The following CARD14 variants were observed in gnomAD, a reference collection of about 807,000 sequenced individuals.
CARD14 encodes the protein caspase recruitment domain-containing protein 14.
CARD14 carries 107 observed loss-of-function variants against 111.5 expected under a neutral mutation model. That is an observed-to-expected ratio of 0.96 (90% CI 0.82 to 1.13). The LOEUF is 1.13. Among genes scored for constraint, CARD14 ranks in the 50% most tolerant of loss-of-function variants. The pLI is 0.00. For missense variants in CARD14, 1,322 were observed against 1,362.3 expected (o/e 0.97, Z 0.47); for synonymous variants, 617 against 579.6 (o/e 1.06, Z -0.93).
chr17:80,176,091 C>T (rs2040020292), intron 2 of CARD14, among the ~76,000 whole-genome samples: 1 of 146,332 alleles, frequency 6.8e-6, no homozygotes, highest in South Asian at 2.2e-4. Context: ...TGAGCCACTG[C>T]ACCAAGCCTG....
intron 11 of CARD14, 79 bp from the exon 12 acceptor site, chr17:80,192,424 C>G (rs1049825141): frequency 2.8e-5 from 30 of 1,054,486 alleles, no homozygotes; most frequent in Non-Finnish European, 4.2e-5. Flanking sequence ...ATGGGTGGTG[C>G]TGACCTGGTA....
At chr17:80,172,782 T>G (rs2039931350) in intron 1 of CARD14, 124 bp from the exon 2 acceptor site, 1 of 151,974 alleles carries the variant, frequency 6.6e-6, no homozygotes, top group Non-Finnish European at 1.5e-5. Flanking sequence ...CCCATCTCCT[T>G]CTCTGTTTCA....
chr17:80,188,313 C>T lies in CARD14; in HGVS notation c.676-64C>T. Reference sequence around the variant, plus strand: ...ATTAGGAGGAAGGGTGAGAAATGCCCCCAGCTCCTGATCAGGGGAGAAGCT... The same window carrying T: ...ATTAGGAGGAAGGGTGAGAAATGCCTCCAGCTCCTGATCAGGGGAGAAGCT... On this transcript the variant is annotated intron_variant, in intron 7 of 23. Coordinates refer to ENST00000648509, the MANE Select transcript of CARD14 (RefSeq NM_001366385.1). This position sits in a 1 kb window ranked among gnomAD's most constrained non-coding sequence, Gnocchi z 4.5. The T allele has an allele frequency of 6.6e-7, 1 of 1,509,498 alleles. No homozygotes were observed. The highest frequency in any genetic ancestry group is 2.1e-5 in the Admixed American group (1 of 47,524). The allele number at this position is 1,509,498 out of a possible 1,614,324, so 93.5% of individuals were successfully genotyped here.
chr17:80,190,628 A>AG (rs1555612454), intron 9 of CARD14, 146 bp from the exon 10 acceptor site: 10,882 of 473,514 alleles, frequency 0.023, 4 homozygotes, highest in Middle Eastern at 0.035. Flanking sequence ...AAAAAAAAAA[A>AG]AGAGAGAGAG....
chr17:80,181,473 C>A lies in CARD14; in HGVS notation c.35C>A (p.Thr12Lys). 1 of 1,586,314 alleles carries A rather than the reference C, an allele frequency of 6.3e-7. No individual in the cohort carries two copies. The highest frequency in any genetic ancestry group is 1.1e-5 in the South Asian group (1 of 87,012). ...GELCRRDSAL[T>K]ALDEETLWEM... ...CTGTGCCGCAGGGACTCCGCACTCACGGCACTGGACGAGGAGACACTGTGG... is the reference window on the plus strand; with the variant it reads ...CTGTGCCGCAGGGACTCCGCACTCAAGGCACTGGACGAGGAGACACTGTGG... Residue 12 changes from threonine to lysine, a missense_variant, in exon 5 of 24, where the codon ACG becomes AAG. Physicochemically the swap from Thr to Lys is moderately conservative, Grantham distance 78. Transcript: ENST00000648509.
Position 80,203,767 on chromosome 17 carries a change from G to C in CARD14, c.2220-55G>C, listed in dbSNP as rs2041119670. ...ACTCTCCCCTGCTCGGCTCTCCCCT[G>C]CCCTGCTCACCTGGCAGGAGGCAGC... On this transcript the variant is annotated intron_variant, in intron 18 of 23. Coordinates refer to ENST00000648509, the MANE Select transcript of CARD14 (RefSeq NM_001366385.1). This position sits in a 1 kb window ranked among gnomAD's most constrained non-coding sequence, Gnocchi z 4.6. 5.5e-6 allele frequency: 8 copies of C among 1,444,160 alleles called. No individual in the cohort carries two copies. Among genetic ancestry groups the C allele is most frequent in the Non-Finnish European group, 7.6e-6 (8 of 1,052,016 alleles). The allele number at this position is 1,444,160 out of a possible 1,614,324, so 89.5% of individuals were successfully genotyped here. A position where few individuals can be genotyped will look rare whatever the true frequency, so the allele number is the denominator to read the frequency against.
chr17:80,202,129 G>C (rs745392909), intron 17 of CARD14, 51 bp from the exon 18 acceptor site: 60 of 1,508,536 alleles, frequency 4.0e-5, no homozygotes, highest in Non-Finnish European at 5.5e-5. Context: ...AACCTTCCTC[G>C]CAGAGGCTCG....
At chr17:80,206,746 G>A (rs535275450) in intron 22 of CARD14, 251 of 276,810 alleles carry the variant, frequency 9.1e-4, no homozygotes, top group African/African-American at 5.0e-3. Flanking sequence ...CAGCCTGGGC[G>A]ACAGAGCGAG....
intron 7 of CARD14, chr17:80,187,714 A>C: frequency 1.0e-6 from 1 of 979,816 alleles, no homozygotes; most frequent in African/African-American, 1.7e-5. Context: ...CCTCACGGGG[A>C]AAGTCCTGCC....
Position 80,199,561 on chromosome 17 carries a change from C to CAAAAAAAAAAAAAAAAAA in CARD14, c.1851+973_1851+990dup, listed in dbSNP as rs34737700. On this transcript the variant is annotated intron_variant, in intron 16 of 23. Transcript: ENST00000648509. ...TGGGTGACAGAGCAAAGCCTTGTCT[C>CAAAAAAAAAAAAAAAAAA]AAAAAAAAAAAAAAAAAAAAGAAAA... 8.6e-4 allele frequency among the ~76,000 whole-genome samples: 59 copies of CAAAAAAAAAAAAAAAAAA among 68,656 alleles called. 1 individual carries two copies. The highest frequency in any genetic ancestry group is 1.3e-3 in the East Asian group (3 of 2,292). The allele number at this position is 68,656 out of a possible 152,430, so 45.0% of individuals were successfully genotyped here. A position where few individuals can be genotyped will look rare whatever the true frequency, so the allele number is the denominator to read the frequency against.
rs563588388 is a variant in CARD14, at chr17:80,208,360, T to C, written c.*15T>C. The C allele has an allele frequency of 2.7e-4, 424 of 1,571,880 alleles. 2 individuals are homozygous for C. In the African/African-American group the frequency reaches 5.2e-3, roughly 19 times the overall value. On this transcript the variant is annotated 3_prime_UTR_variant, in exon 24 of 24. Coordinates refer to ENST00000648509, the MANE Select transcript of CARD14 (RefSeq NM_001366385.1). Reference sequence around the variant, plus strand: ...GCCCCCGATGATGCACCGTGCCCCTTCCCGGGACTGTGGGGGCTTCTGTGT... The same window carrying C: ...GCCCCCGATGATGCACCGTGCCCCTCCCCGGGACTGTGGGGGCTTCTGTGT...
chr17:80,208,778 A>AGG lies in CARD14; in HGVS notation c.*434_*435dup, dbSNP rs1193383669. ...GCTTTTGGAGTGACCAAAAGCACAGAGGCAGCGGGTGGGGCGCCTGGGTGG... is the reference window on the plus strand; with the variant it reads ...GCTTTTGGAGTGACCAAAAGCACAGAGGGGCAGCGGGTGGGGCGCCTGGGTGG... On this transcript the variant is annotated 3_prime_UTR_variant, in exon 24 of 24. Transcript: ENST00000648509. 6.4e-6 allele frequency: 1 copy of AGG among 155,736 alleles called. No homozygotes were observed. Among genetic ancestry groups the AGG allele is most frequent in the African/African-American group, 2.4e-5 (1 of 41,620 alleles). 9.6% of individuals were successfully genotyped at this position (155,736 alleles called of 1,614,324 possible). A position where few individuals can be genotyped will look rare whatever the true frequency, so the allele number is the denominator to read the frequency against.
At chr17:80,200,097 C>T (rs1300963182) in intron 16 of CARD14, among the ~76,000 whole-genome samples, 1 of 151,908 alleles carries the variant, frequency 6.6e-6, no homozygotes, top group Non-Finnish European at 1.5e-5. Flanking sequence ...TCCATGCACC[C>T]CTCACTGCCC....
At chr17:80,202,681 T>G in intron 18 of CARD14, 1 of 1,190,410 alleles carries the variant, frequency 8.4e-7, no homozygotes, top group Non-Finnish European at 1.1e-6. Context: ...TTTGGTACCA[T>G]GGACGTTTGG....
chr17:80,188,337 C>CT lies in CARD14; in HGVS notation c.676-39dup. The CT allele has an allele frequency of 1.3e-6, 2 of 1,589,634 alleles. No homozygotes were observed. The highest frequency in any genetic ancestry group is 1.7e-6 in the Non-Finnish European group (2 of 1,167,806). On this transcript the variant is annotated intron_variant, in intron 7 of 23. Coordinates refer to ENST00000648509, the MANE Select transcript of CARD14 (RefSeq NM_001366385.1). The surrounding 1 kb of genome is among the most constrained non-coding windows in gnomAD (Gnocchi z 4.5). ...CCCCAGCTCCTGATCAGGGGAGAAG[C>CT]TGTTTCCATCGCCCTTCCTGTCGCC...
rs917071541 is a variant in CARD14, at chr17:80,187,109, G to A, written c.676-1268G>A. On this transcript the variant is annotated intron_variant, in intron 7 of 23. Coordinates refer to ENST00000648509, the MANE Select transcript of CARD14 (RefSeq NM_001366385.1). ...CCTCTAATTCCAACCCATGCCCTGC[G>A]GCTTTTTCTTGCCTTCTCCTGTTCC... 5.9e-5 allele frequency among the ~76,000 whole-genome samples: 9 copies of A among 152,164 alleles called. No homozygotes were observed. The South Asian group carries it at 6.2e-4, about 11-fold the overall frequency.
Position 80,201,733 on chromosome 17 carries a change from C to T in CARD14, c.1852-11C>T, listed in dbSNP as rs1364115908. 3.1e-6 allele frequency: 5 copies of T among 1,613,918 alleles called. No individual in the cohort carries two copies. The highest frequency in any genetic ancestry group is 4.2e-6 in the Non-Finnish European group (5 of 1,179,930). Reference sequence around the variant, plus strand: ...GGGGGAAAGAGACTGACCTTCTCGACTTGCCCTCAGGTTGATTACGAAGCC... The same window carrying T: ...GGGGGAAAGAGACTGACCTTCTCGATTTGCCCTCAGGTTGATTACGAAGCC... On this transcript the variant is annotated splice_polypyrimidine_tract_variant and intron_variant, in intron 16 of 23. Transcript: ENST00000648509. This position sits in a 1 kb window ranked among gnomAD's most constrained non-coding sequence, Gnocchi z 5.0.
intron 20 of CARD14, chr17:80,204,756 G>A (rs2041189234): frequency 4.6e-6 from 2 of 437,202 alleles, no homozygotes; most frequent in South Asian, 5.7e-5. Context: ...CCTGGCTTCC[G>A]CCATCCTCCC....
intron 20 of CARD14, 157 bp downstream of exon 20, chr17:80,204,498 C>G: frequency 1.6e-6 from 1 of 643,926 alleles, no homozygotes; most frequent in Non-Finnish European, 2.5e-6. Flanking sequence ...GTGGCGCACA[C>G]CTGTAATCCC....
Sources: gnomAD v4.1 joint callset for allele counts (sites outside exome capture counted in the v4.1 genomes callset) on GRCh38, gnomAD v4.1.1 for gene constraint, Gnocchi (gnomAD v3.1) non-coding constraint, MANE v1.5 for transcripts, NCBI Gene and HGNC (gene_info 2026-07-23, HGNC 2026-07-21) for gene names.